The following GRID2IP variants were observed in gnomAD, a reference collection of about 807,000 sequenced individuals.
GRID2IP encodes Grid2 interacting protein.
In GRID2IP, 78 loss-of-function variants were observed where a neutral mutation model predicts 114.3. That is an observed-to-expected ratio of 0.68 (90% CI 0.57 to 0.82). The LOEUF is 0.82. GRID2IP is among the 40% of genes least tolerant of loss of function. The pLI is 0.00. For synonymous variants in GRID2IP, 809 were observed against 724.0 expected (o/e 1.12, Z -1.89); for missense variants, 1,727 against 1,678.5 (o/e 1.03, Z -0.51).
At chr7:6,510,759 G>T in intron 9 of GRID2IP, 53 bp from the exon 10 acceptor site, 2 of 1,514,432 alleles carry the variant, frequency 1.3e-6, no homozygotes, top group South Asian at 1.2e-5. Flanking sequence ...TCAGGCCCCG[G>T]CCCAGAACCA....
rs1779511748 is a variant in GRID2IP, at chr7:6,526,445, G to A, written c.833+76C>T. ...CCCAGATGCCCAGCCCCGCCCCTACGCCCTCTCCCCGGGTCTCGGTCCCGA... is the reference window on the plus strand; with the variant it reads ...CCCAGATGCCCAGCCCCGCCCCTACACCCTCTCCCCGGGTCTCGGTCCCGA... On this transcript the variant is annotated intron_variant, in intron 3 of 21. Coordinates refer to ENST00000457091, the MANE Select transcript of GRID2IP (RefSeq NM_001145118.2). The surrounding 1 kb of genome is among the most constrained non-coding windows in gnomAD (Gnocchi z 7.6). 4.7e-6 allele frequency: 7 copies of A among 1,481,226 alleles called. No homozygotes were observed. The highest frequency in any genetic ancestry group is 5.0e-5 in the East Asian group (2 of 40,084). 91.8% of individuals were successfully genotyped at this position (1,481,226 alleles called of 1,614,324 possible). A position where few individuals can be genotyped will look rare whatever the true frequency, so the allele number is the denominator to read the frequency against.
rs1395043840 is a variant in GRID2IP at position 6,497,453 on chromosome 7, T to G, written c.*321A>C. 1 of 260,252 alleles carries G rather than the reference T, an allele frequency of 3.8e-6. No individual in the cohort carries two copies. The highest frequency in any genetic ancestry group is 7.3e-6 in the Non-Finnish European group (1 of 137,322). 16.1% of individuals were successfully genotyped at this position (260,252 alleles called of 1,614,324 possible). A position where few individuals can be genotyped will look rare whatever the true frequency, so the allele number is the denominator to read the frequency against. ...CCACATGTCCCAGGAATGTGGCCAC[T>G]TTGTAATCCACCCTCCAGGCCCCCC... is the stretch of plus-strand genomic sequence containing the variant. On this transcript the variant is annotated 3_prime_UTR_variant, in exon 22 of 22. Coordinates refer to ENST00000457091, the MANE Select transcript of GRID2IP (RefSeq NM_001145118.2).
chr7:6,541,959 C>T (rs191115893), intron 1 of GRID2IP, among the ~76,000 whole-genome samples: 35 of 152,228 alleles, frequency 2.3e-4, no homozygotes, highest in Admixed American at 3.9e-4. Context: ...TGCAGTACAT[C>T]CATGTGGGAG....
At chr7:6,511,852 T>C (rs1779173330) in intron 8 of GRID2IP, among the ~76,000 whole-genome samples, 1 of 151,926 alleles carries the variant, frequency 6.6e-6, no homozygotes, top group Non-Finnish European at 1.5e-5. Flanking sequence ...TTTCCTTCCT[T>C]CTCTTCCTTC....
At position 6,501,829 on chromosome 7, in the gene GRID2IP, G is replaced by A; in HGVS notation, c.3351C>T (p.Cys1117=). 6.4e-7 allele frequency: 1 copy of A among 1,551,520 alleles called. No homozygotes were observed. The highest frequency in any genetic ancestry group is 8.7e-7 in the Non-Finnish European group (1 of 1,146,978). ...HGTISEIQDA[C]QSISPSSEDK... Reference sequence around the variant, plus strand: ...CCTCGCTAGAGGGGGAAATGCTCTGGCAGGCATCCTGTATCTCGCTGATAG... The same window carrying A: ...CCTCGCTAGAGGGGGAAATGCTCTGACAGGCATCCTGTATCTCGCTGATAG... The change falls in exon 20 of 22, where the codon TGC becomes TGT. Residue 1117 remains cysteine (C), a synonymous_variant. Transcript: ENST00000457091.
At position 6,510,899 on chromosome 7, in the gene GRID2IP, C is replaced by T. The variant is rs1779134927; in HGVS notation, c.1555+9G>A. On this transcript the variant is annotated intron_variant, in intron 9 of 21. Coordinates refer to ENST00000457091, the MANE Select transcript of GRID2IP (RefSeq NM_001145118.2). ...TCCATTCATACCCTCCCCCTGACAC[C>T]AGCCTTACCGCAGCTGAGGCCGGCC... 3 of 1,549,904 alleles carry T rather than the reference C, an allele frequency of 1.9e-6. No individual in the cohort carries two copies. Among genetic ancestry groups the T allele is most frequent in the African/African-American group, 1.4e-5 (1 of 72,910 alleles).
chr7:6,551,112 G>A lies in GRID2IP; in HGVS notation c.325C>T (p.Arg109Cys), dbSNP rs148001919. Residue 109 changes from arginine (R) to cysteine (C), a missense_variant, in exon 1 of 22, where the codon CGC becomes TGC. Physicochemically the swap from Arg to Cys is radical, Grantham distance 180. Transcript: ENST00000457091. The stretch of plus-strand genomic sequence containing the variant: ...AGCTCACGGCCCAGAGCTAGGCCGC[G>A]GCCGCACCGCGGGGCCCGCAAGACT... ...TTVLRAPRCG[R>C]GLALGRELLR... 2,519 of 1,298,126 alleles carry A rather than the reference G, an allele frequency of 1.9e-3. 41 individuals are homozygous for A. In the African/African-American group the frequency reaches 0.032, roughly 16 times the overall value. The allele number at this position is 1,298,126 out of a possible 1,614,324, so 80.4% of individuals were successfully genotyped here.
intron 1 of GRID2IP, among the ~76,000 whole-genome samples, chr7:6,546,123 G>C (rs1264671240): frequency 6.6e-6 from 1 of 151,720 alleles, no homozygotes; most frequent in South Asian, 2.1e-4. Flanking sequence ...GAAAAACTGG[G>C]GCAGGCAGAA....
chr7:6,523,478 C>T lies in GRID2IP; in HGVS notation c.920-1521G>A, dbSNP rs17777621. ...GCCTCAGTTTCCCCATCTGTAAAAG[C>T]TTCCATCTAAGCATCCATTTGGCTT... On this transcript the variant is annotated intron_variant, in intron 4 of 21. Coordinates refer to ENST00000457091, the MANE Select transcript of GRID2IP (RefSeq NM_001145118.2). This position sits in a 1 kb window ranked among gnomAD's most constrained non-coding sequence, Gnocchi z 4.5. Among the ~76,000 whole-genome samples, 11,737 of 152,212 alleles carry T rather than the reference C, an allele frequency of 0.077. 615 individuals carry two copies. The highest frequency in any genetic ancestry group is 0.13 in the Middle Eastern group (39 of 294).
At chr7:6,533,444 A>C (rs986468754) in intron 2 of GRID2IP, among the ~76,000 whole-genome samples, 1 of 152,008 alleles carries the variant, frequency 6.6e-6, no homozygotes, top group African/African-American at 2.4e-5. Context: ...CTGCAGCCTC[A>C]AATTCCTGGG....
In GRID2IP at chr7:6,512,231, C is replaced by CTTTTTTTTTTTTTTTTTTTTTTTT. The variant is rs1002835555; in HGVS notation, c.1424-1193_1424-1192insAAAAAAAAAAAAAAAAAAAAAAAA. Reference sequence around the variant, plus strand: ...CACACCTGCCTTTTTTTCTTTTCTTCTTTTTTTTTTTTTTTTTTGTGACAG... The same window carrying CTTTTTTTTTTTTTTTTTTTTTTTT: ...CACACCTGCCTTTTTTTCTTTTCTTCTTTTTTTTTTTTTTTTTTTTTTTTTTTTTTTTTTTTTTTTTTGTGACAG... On this transcript the variant is annotated intron_variant, in intron 8 of 21. Coordinates refer to ENST00000457091, the MANE Select transcript of GRID2IP (RefSeq NM_001145118.2). Among the ~76,000 whole-genome samples the CTTTTTTTTTTTTTTTTTTTTTTTT allele has an allele frequency of 4.1e-4, 37 of 90,206 alleles. 4 individuals are homozygous for CTTTTTTTTTTTTTTTTTTTTTTTT. Among genetic ancestry groups the CTTTTTTTTTTTTTTTTTTTTTTTT allele is most frequent in the African/African-American group, 1.5e-3 (32 of 21,718 alleles). 59.2% of individuals were successfully genotyped at this position (90,206 alleles called of 152,430 possible).
intron 7 of GRID2IP, among the ~76,000 whole-genome samples, chr7:6,518,888 C>G (rs891837132): frequency 2.7e-5 from 4 of 150,646 alleles, no homozygotes; most frequent in African/African-American, 9.8e-5. Context: ...AAGTTAGACA[C>G]AAAACATGAT....
rs1245200689 is a variant in GRID2IP at position 6,508,281 on chromosome 7, G to A, written c.2248C>T (p.Pro750Ser). The A allele has an allele frequency of 6.5e-7, 1 of 1,545,842 alleles. No homozygotes were observed. Among genetic ancestry groups the A allele is most frequent in the Non-Finnish European group, 8.7e-7 (1 of 1,144,718 alleles). Residue 750 changes from proline to serine, a missense_variant, in exon 13 of 22, where the codon CCC (proline) becomes TCC (serine). Coordinates refer to ENST00000457091, the MANE Select transcript of GRID2IP (RefSeq NM_001145118.2). This position sits in a 1 kb window ranked among gnomAD's most constrained non-coding sequence, Gnocchi z 5.6. The stretch of plus-strand genomic sequence containing the variant: ...GGTGGGGGGCTGAGCGGGGGTGGGG[G>A]GATGTGGTCAGAGATGGAGGAGTAG... The part of the protein sequence containing the change: ...LTYSSISDHI[P>S]PPPLSPPPPP...
At position 6,543,383 on chromosome 7, in the gene GRID2IP, G is replaced by A. The variant is rs533482951; in HGVS notation, c.430-3511C>T. Among the ~76,000 whole-genome samples the A allele has an allele frequency of 1.5e-3, 221 of 149,300 alleles. 1 individual carries two copies. The highest frequency in any genetic ancestry group is 4.8e-3 in the African/African-American group (194 of 40,540). On this transcript the variant is annotated intron_variant, in intron 1 of 21. Transcript: ENST00000457091. ...CTGCACTCCAGCCTGGTGACAGAGCGAGGCTCTGTCTCAAAAAAAAAAAAA... is the reference window on the plus strand; with the variant it reads ...CTGCACTCCAGCCTGGTGACAGAGCAAGGCTCTGTCTCAAAAAAAAAAAAA...
intron 2 of GRID2IP, among the ~76,000 whole-genome samples, chr7:6,533,976 T>G (rs993386855): frequency 2.6e-5 from 4 of 152,150 alleles, no homozygotes; most frequent in African/African-American, 9.7e-5. Flanking sequence ...ATGGTGTTCA[T>G]GACACTTGGC....
chr7:6,515,797 A>C (rs1056194973), intron 7 of GRID2IP, among the ~76,000 whole-genome samples: 1 of 151,620 alleles, frequency 6.6e-6, no homozygotes, highest in Admixed American at 6.6e-5. Context: ...AAAATAAATA[A>C]ATAAACAAAA....
At chr7:6,549,802 TATA>T (rs1562527456) in intron 1 of GRID2IP, among the ~76,000 whole-genome samples, 3 of 148,520 alleles carry the variant, frequency 2.0e-5, no homozygotes, top group Middle Eastern at 3.2e-3. Flanking sequence ...TTTTTTTTTT[TATA>T]TTTTTGATAG....
chr7:6,533,335 C>T (rs980752708), intron 2 of GRID2IP, among the ~76,000 whole-genome samples: 2 of 152,210 alleles, frequency 1.3e-5, no homozygotes, highest in African/African-American at 2.4e-5. Flanking sequence ...TCTATCTACA[C>T]GTCTCATAGA....
At chr7:6,498,967 T>A (rs1786338641) in intron 20 of GRID2IP, among the ~76,000 whole-genome samples, 1 of 152,148 alleles carries the variant, frequency 6.6e-6, no homozygotes, top group Admixed American at 6.6e-5. Flanking sequence ...AAGTGAAAGC[T>A]CGCTCCCTCC....
Sources: allele counts gnomAD v4.1 joint callset (sites outside exome capture counted in the v4.1 genomes callset), GRCh38; gene constraint gnomAD v4.1.1; non-coding constraint Gnocchi (gnomAD v3.1); transcripts MANE v1.5; gene names NCBI Gene and HGNC (gene_info 2026-07-23, HGNC 2026-07-21).